The following HHAT variants were observed in gnomAD, a reference collection of about 807,000 sequenced individuals.
The protein encoded by HHAT is hedgehog acyltransferase, also known as protein-cysteine N-palmitoyltransferase HHAT.
Under a neutral mutation model 70.8 loss-of-function variants are expected in HHAT, and 47 were observed. The ratio of observed to expected loss-of-function variants is 0.66; its 90% CI spans 0.53 to 0.85. The LOEUF (loss-of-function observed/expected upper bound fraction) is 0.85, where lower values mean the gene tolerates loss of function less well. HHAT is among the 40% of genes least tolerant of loss of function. HHAT has a pLI of 0.00. For synonymous variants in HHAT, 228 were observed against 247.6 expected (o/e 0.92, Z 0.74); for missense variants, 609 against 604.8 (o/e 1.01, Z -0.07).
At chr1:210,587,725 G>C (rs948401515) in intron 9 of HHAT, among the ~76,000 whole-genome samples, 173 bp from the exon 10 acceptor site, 1 of 152,176 alleles carries the variant, frequency 6.6e-6, no homozygotes, top group Non-Finnish European at 1.5e-5. Context: ...GCTAAGGCTT[G>C]GGTTTTCGCC....
chr1:210,662,327 A>T (rs373077617), intron 11 of HHAT, among the ~76,000 whole-genome samples: 1 of 150,574 alleles, frequency 6.6e-6, no homozygotes, highest in South Asian at 2.1e-4. Context: ...TAGGTGCTTC[A>T]TAAATATGGA....
intron 10 of HHAT, among the ~76,000 whole-genome samples, chr1:210,615,354 T>G (rs1206148904): frequency 1.3e-5 from 2 of 152,212 alleles, no homozygotes; most frequent in Non-Finnish European, 1.5e-5. Context: ...CTTTTTTCAA[T>G]GTTTTTAACT....
intron 11 of HHAT, among the ~76,000 whole-genome samples, chr1:210,669,636 G>A (rs1162020318): frequency 6.6e-6 from 1 of 152,160 alleles, no homozygotes; most frequent in Non-Finnish European, 1.5e-5. Flanking sequence ...GACGCTACCT[G>A]GCTGTGATCT....
chr1:210,464,958 A>G (rs540902706), intron 8 of HHAT, among the ~76,000 whole-genome samples: 11 of 152,292 alleles, frequency 7.2e-5, no homozygotes, highest in African/African-American at 2.6e-4. Context: ...CTGTATCTTG[A>G]TTTATTTAAT....
intron 7 of HHAT, among the ~76,000 whole-genome samples, chr1:210,424,210 G>A (rs568030008): frequency 1.3e-5 from 2 of 151,982 alleles, no homozygotes; most frequent in South Asian, 2.1e-4. Context: ...TTCAGTGTTC[G>A]TATTTCTTTC....
At chr1:210,633,978 TA>T (rs750137112) in intron 11 of HHAT, among the ~76,000 whole-genome samples, 65 of 151,880 alleles carry the variant, frequency 4.3e-4, no homozygotes, top group African/African-American at 1.3e-3. Flanking sequence ...TCTCAGGACT[TA>T]AAAAAAAATA....
chr1:210,592,708 T>G (rs1376336452), intron 10 of HHAT, among the ~76,000 whole-genome samples: 2 of 152,118 alleles, frequency 1.3e-5, no homozygotes, highest in Non-Finnish European at 2.9e-5. Flanking sequence ...TCGATTTCTT[T>G]CATCAGTGTT....
At chr1:210,488,210 TTCTTTCCCC>T (rs2094501400) in intron 8 of HHAT, among the ~76,000 whole-genome samples, 1 of 152,198 alleles carries the variant, frequency 6.6e-6, no homozygotes, top group African/African-American at 2.4e-5. Context: ...CACCTGGCTC[TTCTTTCCCC>T]TGCATATCTG....
At chr1:210,635,510 CA>C (rs1293063696) in intron 11 of HHAT, among the ~76,000 whole-genome samples, 5 of 152,026 alleles carry the variant, frequency 3.3e-5, no homozygotes, top group Admixed American at 1.3e-4. Flanking sequence ...GCAGGGTGAT[CA>C]GGGGGAGGCG....
chr1:210,522,534 C>T (rs947730629), intron 9 of HHAT, among the ~76,000 whole-genome samples: 13 of 152,208 alleles, frequency 8.5e-5, no homozygotes, highest in African/African-American at 1.7e-4. Flanking sequence ...CCCCTTCCAT[C>T]GTTGCTCCTG....
chr1:210,334,177 C>CTTTTTTTTTTTTTTTTTT (rs1342123521), intron 1 of HHAT, among the ~76,000 whole-genome samples: 8 of 34,546 alleles, frequency 2.3e-4, no homozygotes, highest in African/African-American at 8.2e-4. Flanking sequence ...TTTAGCGTGT[C>CTTTTTTTTTTTTTTTTTT]ATTTTTTTTT....
chr1:210,480,005 A>G (rs2094368155), intron 8 of HHAT, among the ~76,000 whole-genome samples: 1 of 152,138 alleles, frequency 6.6e-6, no homozygotes. Flanking sequence ...AATGATGCCT[A>G]CCTGCTGGGG....
intron 7 of HHAT, among the ~76,000 whole-genome samples, chr1:210,446,153 G>T (rs1001960649): frequency 6.6e-6 from 1 of 152,116 alleles, no homozygotes; most frequent in African/African-American, 2.4e-5. Context: ...TGGAACTCTG[G>T]CCTCGTCCCC....
At chr1:210,378,074 A>G (rs1446144273) in intron 3 of HHAT, among the ~76,000 whole-genome samples, 1 of 152,256 alleles carries the variant, frequency 6.6e-6, no homozygotes, top group African/African-American at 2.4e-5. Flanking sequence ...GTTGAAGGAA[A>G]AAGAAAACTC....
At chr1:210,511,588 C>T (rs1045622917) in intron 8 of HHAT, among the ~76,000 whole-genome samples, 4 of 151,880 alleles carry the variant, frequency 2.6e-5, no homozygotes, top group African/African-American at 9.7e-5. Context: ...GGCGTCAGAC[C>T]CCCCCTCGAG....
intron 8 of HHAT, among the ~76,000 whole-genome samples, chr1:210,487,286 A>G (rs1466728191): frequency 1.3e-5 from 2 of 150,660 alleles, no homozygotes; most frequent in Admixed American, 1.3e-4. Flanking sequence ...CATTCTCAGA[A>G]TAAGTCAATA....
chr1:210,383,784 T>C (rs2090837697), intron 3 of HHAT, among the ~76,000 whole-genome samples: 1 of 152,148 alleles, frequency 6.6e-6, no homozygotes, highest in Non-Finnish European at 1.5e-5. Flanking sequence ...AAAGATAAGG[T>C]CTGTTAAACA....
intron 9 of HHAT, among the ~76,000 whole-genome samples, chr1:210,517,568 A>T (rs1037033288): frequency 1.3e-5 from 2 of 152,210 alleles, no homozygotes; most frequent in African/African-American, 4.8e-5. Context: ...GGACTGAAGA[A>T]ATGTCAAGGA....
intron 1 of HHAT, among the ~76,000 whole-genome samples, chr1:210,345,841 T>G (rs1351749230): frequency 6.6e-6 from 1 of 152,144 alleles, no homozygotes; most frequent in Non-Finnish European, 1.5e-5. Context: ...CCTAGCACTT[T>G]GGGAGGCCAC....
Sources: allele counts gnomAD v4.1 joint callset (sites outside exome capture counted in the v4.1 genomes callset), GRCh38; gene constraint gnomAD v4.1.1; transcripts MANE v1.5; gene names NCBI Gene and HGNC (gene_info 2026-07-23, HGNC 2026-07-21).